Variants in NTS observed in about 807,000 individuals in gnomAD.
The protein encoded by NTS is neurotensin, also known as neurotensin/neuromedin N.
Under a neutral mutation model 19.5 loss-of-function variants are expected in NTS, and 20 were observed. The observed-to-expected ratio is 1.02, with a 90% confidence interval of 0.72 to 1.49. The LOEUF (loss-of-function observed/expected upper bound fraction) is 1.49, where lower values mean the gene tolerates loss of function less well. Ranked by LOEUF, NTS falls within the 40% of genes most tolerant of loss-of-function variation. NTS has a pLI of 0.00. For missense variants in NTS, 215 were observed against 193.1 expected (o/e 1.11, Z -0.67); for synonymous variants, 71 against 63.3 (o/e 1.12, Z -0.58).
chr12:85,876,568 C>A, intron 1 of NTS, 72 bp from the exon 2 acceptor site: 8 of 885,660 alleles, frequency 9.0e-6, no homozygotes, highest in Non-Finnish European at 1.2e-5. Context: ...TTTAGATTAA[C>A]CTAAAATCTG....
In NTS at chr12:85,874,412, A is replaced by G; in HGVS notation, c.9A>G (p.Ala3=). 1 of 1,613,190 alleles carries G rather than the reference A, an allele frequency of 6.2e-7. No homozygotes were observed. The highest frequency in any genetic ancestry group is 8.5e-7 in the Non-Finnish European group (1 of 1,179,196). MM[A]GMKIQLVCML... is the part of the protein sequence containing the mutation. ...TGTTAGAAGGCTGAAAGATGATGGCAGGAATGAAAATCCAGCTTGTATGCA... is the reference window on the plus strand; with the variant it reads ...TGTTAGAAGGCTGAAAGATGATGGCGGGAATGAAAATCCAGCTTGTATGCA... The change falls in exon 1 of 4, where the codon GCA becomes GCG. Residue 3 remains alanine, a synonymous_variant. Transcript: ENST00000256010.
At chr12:85,876,488 A>G (rs1222977768) in intron 1 of NTS, 152 bp from the exon 2 acceptor site, 15 of 433,252 alleles carry the variant, frequency 3.5e-5, no homozygotes, top group African/African-American at 2.7e-4. Flanking sequence ...AAGTATAACT[A>G]TAATTTGTTT....
intron 2 of NTS, among the ~76,000 whole-genome samples, chr12:85,877,696 G>A (rs551453894): frequency 4.2e-4 from 64 of 152,084 alleles, no homozygotes; most frequent in African/African-American, 1.5e-3. Flanking sequence ...CTGTGCCCAT[G>A]TGTTCTCATT....
chr12:85,875,878 A>G (rs1881329960), intron 1 of NTS, among the ~76,000 whole-genome samples: 1 of 151,972 alleles, frequency 6.6e-6, no homozygotes, highest in African/African-American at 2.4e-5. Flanking sequence ...CAAGGAAGAT[A>G]GAGTCATTTT....
intron 1 of NTS, 35 bp from the exon 2 acceptor site, chr12:85,876,605 G>T (rs755526314): frequency 7.1e-6 from 9 of 1,261,876 alleles, no homozygotes. Context: ...TATATGATAT[G>T]TAATTATAGT....
chr12:85,874,493 T>C lies in NTS; in HGVS notation c.73+17T>C. The C allele has an allele frequency of 6.4e-7, 1 of 1,566,718 alleles. No homozygotes were observed. Among genetic ancestry groups the C allele is most frequent in the Non-Finnish European group, 8.8e-7 (1 of 1,136,878 alleles). On this transcript the variant is annotated intron_variant, in intron 1 of 3. Coordinates refer to ENST00000256010, the MANE Select transcript of NTS (RefSeq NM_006183.5). ...TGTGCTCAGGTAAGCAAAACAGAAT[T>C]TCACAACTCCCTGAAGTGATTTCTT... is the stretch of plus-strand genomic sequence containing the variant.
chr12:85,874,351 C>T lies in NTS; in HGVS notation c.-53C>T, dbSNP rs541370468. ...GAAAGAGGAAGTGCTAGAGAGAGCC[C>T]CCTTCAGTGTGCTTCTGACTTTTAC... is the stretch of plus-strand genomic sequence containing the variant. On this transcript the variant is annotated 5_prime_UTR_variant, in exon 1 of 4. Transcript: ENST00000256010. 1 of 1,278,474 alleles carries T rather than the reference C, an allele frequency of 7.8e-7. No individual in the cohort carries two copies. Among genetic ancestry groups the T allele is most frequent in the Non-Finnish European group, 1.1e-6 (1 of 874,092 alleles). The allele number at this position is 1,278,474 out of a possible 1,614,324, so 79.2% of individuals were successfully genotyped here. A position where few individuals can be genotyped will look rare whatever the true frequency, so the allele number is the denominator to read the frequency against.
rs918799594 is a variant in NTS, at chr12:85,880,769, G to C, written c.361-1454G>C. 3.9e-5 allele frequency among the ~76,000 whole-genome samples: 6 copies of C among 152,156 alleles called. No homozygotes were observed. The East Asian group carries it at 1.2e-3, about 30-fold the overall frequency. On this transcript the variant is annotated intron_variant, in intron 3 of 3. Coordinates refer to ENST00000256010, the MANE Select transcript of NTS (RefSeq NM_006183.5). ...AGATGGAGACCATCCCGGCTAACAC[G>C]GTGAAACCCCGTCTCTACTAAAAAT... is the stretch of plus-strand genomic sequence containing the variant.
At chr12:85,881,210 T>C (rs2136594659) in intron 3 of NTS, among the ~76,000 whole-genome samples, 1 of 152,290 alleles carries the variant, frequency 6.6e-6, no homozygotes, top group Middle Eastern at 3.4e-3. Flanking sequence ...AACTAGATTG[T>C]CTGACAGTAG....
At position 85,878,326 on chromosome 12, in the gene NTS, T is replaced by C; in HGVS notation, c.136-19T>C. On this transcript the variant is annotated intron_variant, in intron 2 of 3. Transcript: ENST00000256010. Reference sequence around the variant, plus strand: ...GTAACACAAGTTTTAATTGCAGGGGTTTTTTTAATATATTTCAGATTAGTA... The same window carrying C: ...GTAACACAAGTTTTAATTGCAGGGGCTTTTTTAATATATTTCAGATTAGTA... The C allele has an allele frequency of 6.5e-7, 1 of 1,528,404 alleles. No homozygotes were observed. Among genetic ancestry groups the C allele is most frequent in the Non-Finnish European group, 8.9e-7 (1 of 1,128,494 alleles). The allele number at this position is 1,528,404 out of a possible 1,614,324, so 94.7% of individuals were successfully genotyped here.
At chr12:85,878,231 A>G in intron 2 of NTS, 114 bp from the exon 3 acceptor site, 1 of 705,326 alleles carries the variant, frequency 1.4e-6, no homozygotes, top group Non-Finnish European at 2.4e-6. Context: ...CACTATATTT[A>G]TTAGACTGGA....
chr12:85,880,513 T>C (rs1194390987), intron 3 of NTS, among the ~76,000 whole-genome samples: 1 of 150,626 alleles, frequency 6.6e-6, no homozygotes, highest in Non-Finnish European at 1.5e-5. Context: ...AGCTACCCTG[T>C]GGATAAGAAG....
chr12:85,878,976 T>C (rs1036857244), intron 3 of NTS, among the ~76,000 whole-genome samples: 28 of 151,092 alleles, frequency 1.9e-4, no homozygotes, highest in Admixed American at 1.8e-3. Context: ...AGTTTCCAAG[T>C]AAAACTGGAA....
intron 2 of NTS, 43 bp from the exon 3 acceptor site, chr12:85,878,302 T>C: frequency 7.1e-7 from 1 of 1,411,812 alleles, no homozygotes; most frequent in Non-Finnish European, 9.7e-7. Context: ...CTTGCTCATG[T>C]AACACAAGTT....
Position 85,880,992 on chromosome 12 carries a change from A to G in NTS, c.361-1231A>G, listed in dbSNP as rs1881489384. On this transcript the variant is annotated intron_variant, in intron 3 of 3. Coordinates refer to ENST00000256010, the MANE Select transcript of NTS (RefSeq NM_006183.5). ...AAGTTTAAGGTCAAAGAAACTTGAA[A>G]AATACATATTTTGATATAGGAAGAT... Among the ~76,000 whole-genome samples, 4 of 152,256 alleles carry G rather than the reference A, an allele frequency of 2.6e-5. No homozygotes were observed. In the South Asian group the frequency reaches 8.3e-4, roughly 32 times the overall value.
chr12:85,876,237 CTTCA>C (rs577872435), intron 1 of NTS, among the ~76,000 whole-genome samples: 1 of 151,758 alleles, frequency 6.6e-6, no homozygotes, highest in South Asian at 2.1e-4. Flanking sequence ...CTTGTATAGT[CTTCA>C]TTATGTTGTG....
intron 3 of NTS, among the ~76,000 whole-genome samples, chr12:85,880,445 T>G (rs1468912899): frequency 1.3e-5 from 2 of 152,154 alleles, no homozygotes; most frequent in African/African-American, 2.4e-5. Flanking sequence ...ACACTAACAT[T>G]GGGGATCTGA....
At chr12:85,878,280 A>G in intron 2 of NTS, 65 bp from the exon 3 acceptor site, 1 of 1,143,412 alleles carries the variant, frequency 8.7e-7, no homozygotes, top group South Asian at 1.5e-5. Context: ...TTAGCACACT[A>G]GGAATTCATT....
rs753087924 is a variant in NTS at position 85,878,450 on chromosome 12, G to A, written c.241G>A (p.Glu81Lys). The A allele has an allele frequency of 1.2e-6, 2 of 1,613,822 alleles. No homozygotes were observed. Among genetic ancestry groups the A allele is most frequent in the Admixed American group, 1.7e-5 (1 of 59,996 alleles). ...TGAGGAAACAGGAGAAGTTCATGAA[G>A]AGGAGCTTGTTGCAAGAAGGAAACT... is the stretch of plus-strand genomic sequence containing the variant. ...PAEETGEVHE[E>K]ELVARRKLPT... The change falls in exon 3 of 4, where the codon GAG becomes AAG. Residue 81 changes from glutamate (E) to lysine (K), a missense_variant. By Grantham distance (56) the Glu-to-Lys change is moderately conservative. Coordinates refer to ENST00000256010, the MANE Select transcript of NTS (RefSeq NM_006183.5).
Sources: allele counts gnomAD v4.1 joint callset (sites outside exome capture counted in the v4.1 genomes callset), GRCh38; gene constraint gnomAD v4.1.1; transcripts MANE v1.5; gene names NCBI Gene and HGNC (gene_info 2026-07-23, HGNC 2026-07-21).